The following ANKRD18A variants were observed in gnomAD, a reference collection of about 807,000 sequenced individuals.
ANKRD18A encodes the protein ankyrin repeat domain 18A, also known as ankyrin repeat domain-containing protein 18A.
In ANKRD18A, 72 loss-of-function variants were observed where a neutral mutation model predicts 110.6. The ratio of observed to expected loss-of-function variants is 0.65; its 90% confidence interval spans 0.54 to 0.79. The LOEUF (loss-of-function observed/expected upper bound fraction) is 0.79. ANKRD18A is among the 30% of genes least tolerant of loss of function. The pLI, the probability that ANKRD18A is intolerant of heterozygous loss-of-function variation, is 0.00. For synonymous variants in ANKRD18A, 305 were observed against 410.3 expected (o/e 0.74, Z 3.10); for missense variants, 934 against 1,163.3 (o/e 0.80, Z 2.87).
intron 10 of ANKRD18A, among the ~76,000 whole-genome samples, chr9:38,591,469 A>G (rs879244162): frequency 3.3e-5 from 5 of 151,680 alleles, no homozygotes; most frequent in African/African-American, 2.4e-5. Context: ...AGGGACTGAC[A>G]TGAAGCACTT....
In ANKRD18A at chr9:38,620,586, T is replaced by G. The variant is rs1826056059; in HGVS notation, c.-301A>C. ...GCCTGAACCTCAGCGCTCCGAACTC[T>G]CAGACCGAGTGAGTCCCCGCGATGC... is the stretch of plus-strand genomic sequence containing the variant. On this transcript the variant is annotated 5_prime_UTR_variant, in exon 1 of 16. Transcript: ENST00000399703. 1.2e-6 allele frequency: 1 copy of G among 826,270 alleles called. No homozygotes were observed. The highest frequency in any genetic ancestry group is 1.6e-6 in the Non-Finnish European group (1 of 627,348). The allele number at this position is 826,270 out of a possible 1,614,324, so 51.2% of individuals were successfully genotyped here.
Position 38,571,927 on chromosome 9 carries a change from A to G in ANKRD18A, c.*118T>C, listed in dbSNP as rs566861497. The G allele has an allele frequency of 1.6e-5, 23 of 1,478,906 alleles. No individual in the cohort carries two copies. The East Asian group carries it at 5.5e-4, about 36-fold the overall frequency. The allele number at this position is 1,478,906 out of a possible 1,614,324, so 91.6% of individuals were successfully genotyped here. A position where few individuals can be genotyped will look rare whatever the true frequency, so the allele number is the denominator to read the frequency against. The stretch of plus-strand genomic sequence containing the variant: ...AAAATTTCATGTAAATAGCCCAGTA[A>G]TAAAGTTTTATGATCTTTTAAATCA... On this transcript the variant is annotated 3_prime_UTR_variant, in exon 16 of 16. Transcript: ENST00000399703.
chr9:38,613,681 G>C (rs955140013), intron 3 of ANKRD18A, among the ~76,000 whole-genome samples: 5 of 152,132 alleles, frequency 3.3e-5, no homozygotes, highest in Non-Finnish European at 7.3e-5. Flanking sequence ...CTGACTTCAA[G>C]GATTTCAGTG....
chr9:38,585,371 G>A (rs954698885), intron 12 of ANKRD18A, among the ~76,000 whole-genome samples: 1 of 152,006 alleles, frequency 6.6e-6, no homozygotes, highest in Non-Finnish European at 1.5e-5. Context: ...TGACTTGTTA[G>A]CCCCTCCTTT....
intron 3 of ANKRD18A, among the ~76,000 whole-genome samples, chr9:38,612,346 C>T (rs1167993495): frequency 7.2e-5 from 11 of 151,972 alleles, no homozygotes; most frequent in Admixed American, 5.9e-4. Flanking sequence ...TTTTTAAATC[C>T]ATTTGTATTG....
chr9:38,608,153 A>G (rs1054154015), intron 5 of ANKRD18A, among the ~76,000 whole-genome samples: 1 of 152,148 alleles, frequency 6.6e-6, no homozygotes, highest in African/African-American at 2.4e-5. Context: ...CAAATATATT[A>G]TTATCTCATT....
At chr9:38,585,860 G>C (rs1213187682) in intron 12 of ANKRD18A, among the ~76,000 whole-genome samples, 1 of 152,104 alleles carries the variant, frequency 6.6e-6, no homozygotes, top group African/African-American at 2.4e-5. Flanking sequence ...TTTTTGCAGG[G>C]ACATGGATGA....
chr9:38,582,178 A>G (rs1824192877), intron 12 of ANKRD18A, among the ~76,000 whole-genome samples: 1 of 152,198 alleles, frequency 6.6e-6, no homozygotes, highest in Admixed American at 6.5e-5. Context: ...TTAGTAAAAC[A>G]TAAGGCACTA....
At chr9:38,606,491 A>G (rs561127428) in intron 6 of ANKRD18A, among the ~76,000 whole-genome samples, 2 of 152,326 alleles carry the variant, frequency 1.3e-5, no homozygotes, top group South Asian at 2.1e-4. Flanking sequence ...GATTTTCTTT[A>G]TAACAGCTTC....
chr9:38,574,894 G>A (rs2118632056), intron 15 of ANKRD18A, among the ~76,000 whole-genome samples: 1 of 152,054 alleles, frequency 6.6e-6, no homozygotes, highest in South Asian at 2.1e-4. Context: ...AAGAGTTCGA[G>A]ACCTGCCTGG....
chr9:38,575,625 T>G lies in ANKRD18A; in HGVS notation c.2815A>C (p.Thr939Pro). The change falls in exon 15 of 16, where the codon ACT (threonine) becomes CCT (proline). Residue 939 changes from threonine (T) to proline (P), a missense_variant. Transcript: ENST00000399703. ...EKQRMKYFLS[T>P]LPTRPEPELP... ...TCTGGTTCTGGCCTTGTAGGAAGAG[T>G]GCTGAGAAAATATTTCATCCGCTGT... The G allele has an allele frequency of 6.4e-7, 1 of 1,551,688 alleles. No homozygotes were observed. The highest frequency in any genetic ancestry group is 8.7e-7 in the Non-Finnish European group (1 of 1,146,866).
At chr9:38,606,363 G>A (rs1218013274) in intron 6 of ANKRD18A, among the ~76,000 whole-genome samples, 2 of 152,178 alleles carry the variant, frequency 1.3e-5, no homozygotes, top group Non-Finnish European at 2.9e-5. Flanking sequence ...CCCAGAGACA[G>A]CAAAACCAAC....
At chr9:38,575,363 T>C (rs1823835834) in intron 15 of ANKRD18A, 113 bp downstream of exon 15, 1 of 1,168,776 alleles carries the variant, frequency 8.6e-7, no homozygotes, top group Non-Finnish European at 1.2e-6. Context: ...CACAGCTAAT[T>C]ATAATCTTTA....
chr9:38,578,462 T>C (rs527734883), intron 12 of ANKRD18A, among the ~76,000 whole-genome samples: 1 of 152,346 alleles, frequency 6.6e-6, no homozygotes, highest in African/African-American at 2.4e-5. Context: ...GTAAAAAGTG[T>C]CTAACCCTCT....
chr9:38,597,794 T>G (rs1392561250), intron 8 of ANKRD18A, among the ~76,000 whole-genome samples: 1 of 152,156 alleles, frequency 6.6e-6, no homozygotes, highest in African/African-American at 2.4e-5. Context: ...GACTCAGCCT[T>G]CTACTATAGA....
intron 11 of ANKRD18A, 129 bp from the exon 12 acceptor site, chr9:38,586,441 C>T: frequency 1.2e-6 from 1 of 800,208 alleles, no homozygotes; most frequent in South Asian, 2.3e-5. Flanking sequence ...TCAGTTTCAA[C>T]TGAACATAGT....
intron 1 of ANKRD18A, among the ~76,000 whole-genome samples, chr9:38,619,323 T>C (rs1404164026): frequency 2.0e-5 from 3 of 152,206 alleles, no homozygotes; most frequent in Non-Finnish European, 4.4e-5. Context: ...TAACTCATCT[T>C]TTCCTACTCA....
chr9:38,587,075 G>C (rs970055718), intron 11 of ANKRD18A, among the ~76,000 whole-genome samples: 1 of 152,008 alleles, frequency 6.6e-6, no homozygotes, highest in African/African-American at 2.4e-5. Flanking sequence ...CACCCAAAAA[G>C]CACAAGGACA....
At chr9:38,616,242 G>A (rs1465955501) in intron 1 of ANKRD18A, among the ~76,000 whole-genome samples, 198 bp from the exon 2 acceptor site, 1 of 152,166 alleles carries the variant, frequency 6.6e-6, no homozygotes, top group South Asian at 2.1e-4. Flanking sequence ...GATAGAATGA[G>A]CTTGGTGTTT....
Sources: allele counts gnomAD v4.1 joint callset (sites outside exome capture counted in the v4.1 genomes callset), GRCh38; gene constraint gnomAD v4.1.1; transcripts MANE v1.5; gene names NCBI Gene and HGNC (gene_info 2026-07-23, HGNC 2026-07-21).